Variants in RNF43 observed in about 807,000 individuals in gnomAD.
RNF43 encodes the protein ring finger protein 43.
A neutral mutation model predicts 78.4 loss-of-function variants in RNF43; 37 were observed. That is an observed-to-expected ratio of 0.47 (90% confidence interval 0.36 to 0.62). The LOEUF (loss-of-function observed/expected upper bound fraction) is 0.62. Among genes scored for constraint, RNF43 ranks in the 20% least tolerant of loss-of-function variants. The probability of loss-of-function intolerance (pLI) is 0.00; values close to 1 mark genes in which losing one functional copy is unlikely to be tolerated. For missense variants in RNF43, 774 were observed against 1,007.9 expected (o/e 0.77, Z 3.14); for synonymous variants, 347 against 395.0 (o/e 0.88, Z 1.44).
At position 58,358,904 on chromosome 17, in the gene RNF43, A is replaced by G; in HGVS notation, c.953-81T>C. On this transcript the variant is annotated intron_variant, in intron 8 of 9. Transcript: ENST00000407977. The surrounding 1 kb of genome is among the most constrained non-coding windows in gnomAD (Gnocchi z 6.2). ...CATTCAGAAAGACATGGCTGTAGCT[A>G]ATCTATTTGACCCTGAGTAGCCTGT... 1 of 1,367,070 alleles carries G rather than the reference A, an allele frequency of 7.3e-7. No individual in the cohort carries two copies. The highest frequency in any genetic ancestry group is 9.6e-7 in the Non-Finnish European group (1 of 1,041,678). 84.7% of individuals were successfully genotyped at this position (1,367,070 alleles called of 1,614,324 possible).
chr17:58,370,862 CA>C (rs1567880542), intron 3 of RNF43, 48 bp downstream of exon 3: 2 of 1,506,852 alleles, frequency 1.3e-6, no homozygotes, highest in South Asian at 2.7e-5. Flanking sequence ...TCTCACAGCC[CA>C]GAGCTGGGTG....
intron 2 of RNF43, among the ~76,000 whole-genome samples, chr17:58,412,055 C>T (rs556757718): frequency 1.3e-5 from 2 of 152,014 alleles, no homozygotes; most frequent in African/African-American, 2.4e-5. Context: ...GTTTCCTTGA[C>T]CTAGATTTTT....
chr17:58,356,886 C>CTTTTTTT (rs150378896), intron 9 of RNF43: 14 of 144,148 alleles, frequency 9.7e-5, no homozygotes, highest in Admixed American at 3.2e-4. Context: ...CCAAATGCCT[C>CTTTTTTT]TTTTTTTTTT....
At position 58,370,899 on chromosome 17, in the gene RNF43, G is replaced by C. The variant is rs1387784719; in HGVS notation, c.375+12C>G. Reference sequence around the variant, plus strand: ...AAGCTCCGGGTGTGTGTAGGGCGAAGTGTGAGTCTACCTTGCTAGCCAGTG... The same window carrying C: ...AAGCTCCGGGTGTGTGTAGGGCGAACTGTGAGTCTACCTTGCTAGCCAGTG... On this transcript the variant is annotated intron_variant, in intron 3 of 9. Transcript: ENST00000407977. The C allele has an allele frequency of 6.3e-7, 1 of 1,587,312 alleles. No homozygotes were observed. Among genetic ancestry groups the C allele is most frequent in the Non-Finnish European group, 8.6e-7 (1 of 1,165,598 alleles).
At chr17:58,359,371 C>T (rs1457343672) in intron 8 of RNF43, among the ~76,000 whole-genome samples, 1 of 148,206 alleles carries the variant, frequency 6.7e-6, no homozygotes, top group East Asian at 2.0e-4. Flanking sequence ...ACAAGGCGGG[C>T]GGGTCACAAG....
chr17:58,386,389 T>C (rs1342723831), intron 2 of RNF43, among the ~76,000 whole-genome samples: 1 of 152,178 alleles, frequency 6.6e-6, no homozygotes, highest in African/African-American at 2.4e-5. Context: ...ATTGTGCCAC[T>C]GCACTCCAGC....
rs1046264882 is a variant in RNF43 at position 58,358,311 on chromosome 17, C to G, written c.1465G>C (p.Gly489Arg). 6.2e-6 allele frequency: 10 copies of G among 1,614,150 alleles called. No individual in the cohort carries two copies. Among genetic ancestry groups the G allele is most frequent in the Non-Finnish European group, 8.5e-6 (10 of 1,180,018 alleles). ...AAAGTAGAACTGCTGCCATGGACCCCCTGTAGGCTGATGTCCGTGCAGTTG... is the reference window on the plus strand; with the variant it reads ...AAAGTAGAACTGCTGCCATGGACCCGCTGTAGGCTGATGTCCGTGCAGTTG... ...VVNCTDISLQ[G>R]VHGSSSTFCS... The change falls in exon 9 of 10, where the codon GGG (glycine) becomes CGG (arginine). Residue 489 changes from glycine (G) to arginine (R), a missense_variant. Gly to Arg is a moderately radical substitution (Grantham distance 125). Transcript: ENST00000407977. This position sits in a 1 kb window ranked among gnomAD's most constrained non-coding sequence, Gnocchi z 6.2.
intron 9 of RNF43, among the ~76,000 whole-genome samples, chr17:58,355,932 A>G (rs766491012): frequency 6.6e-6 from 1 of 152,228 alleles, no homozygotes; most frequent in Non-Finnish European, 1.5e-5. Flanking sequence ...AAAGAACATG[A>G]TAAAGCTAGC....
chr17:58,359,607 A>AAATAATAATAAT (rs376555627), intron 8 of RNF43, among the ~76,000 whole-genome samples: 1 of 148,920 alleles, frequency 6.7e-6, no homozygotes, highest in Non-Finnish European at 1.5e-5. Flanking sequence ...CCAACTCAAA[A>AAATAATAATAAT]AATAATAATA....
chr17:58,395,492 T>C (rs1398037808), intron 2 of RNF43, among the ~76,000 whole-genome samples: 1 of 151,742 alleles, frequency 6.6e-6, no homozygotes, highest in African/African-American at 2.4e-5. Context: ...TAGAAATAAA[T>C]AGTCACAGTT....
In RNF43 at chr17:58,390,545, ACT is replaced by A. The variant is rs954410954; in HGVS notation, c.253-19514_253-19513del. On this transcript the variant is annotated intron_variant, in intron 2 of 9. Transcript: ENST00000407977. ...ACTTAAAACCTGTGGCCTAATCTAC[ACT>A]GTTTCAGTAACAGTAGCCTTAAAAC... Among the ~76,000 whole-genome samples the A allele has an allele frequency of 1.5e-4, 23 of 152,212 alleles. 1 individual carries two copies. Among genetic ancestry groups the A allele is most frequent in the Non-Finnish European group, 1.5e-5 (1 of 68,038 alleles).
At chr17:58,408,652 G>C (rs956694624) in intron 2 of RNF43, among the ~76,000 whole-genome samples, 1 of 152,082 alleles carries the variant, frequency 6.6e-6, no homozygotes, top group East Asian at 1.9e-4. Context: ...CGAGGCTGTT[G>C]GTAAGTCAGA....
intron 2 of RNF43, among the ~76,000 whole-genome samples, chr17:58,397,747 A>C (rs753483939): frequency 6.6e-6 from 1 of 152,066 alleles, no homozygotes; most frequent in Non-Finnish European, 1.5e-5. Context: ...TCAGGCCCAG[A>C]GAGACATTAA....
intron 2 of RNF43, among the ~76,000 whole-genome samples, chr17:58,403,092 T>A (rs1189029997): frequency 6.6e-6 from 1 of 152,182 alleles, no homozygotes; most frequent in Non-Finnish European, 1.5e-5. Context: ...TTGGGGGACC[T>A]CTTCCAGTAA....
chr17:58,398,435 T>G (rs532408002), intron 2 of RNF43, among the ~76,000 whole-genome samples: 3 of 152,202 alleles, frequency 2.0e-5, no homozygotes, highest in African/African-American at 4.8e-5. Context: ...TTAATAAGCA[T>G]AGCAGAGAAA....
At chr17:58,394,976 C>T (rs1336935154) in intron 2 of RNF43, 1 of 152,238 alleles carries the variant, frequency 6.6e-6, no homozygotes. Flanking sequence ...AACTCCACCA[C>T]AGAGCTCTCC....
intron 2 of RNF43, among the ~76,000 whole-genome samples, chr17:58,382,838 C>A (rs554299473): frequency 2.4e-4 from 37 of 152,310 alleles, no homozygotes; most frequent in African/African-American, 8.4e-4. Flanking sequence ...CAGAGCACAG[C>A]ACATAAACAC....
At chr17:58,367,801 G>A (rs1261052476) in intron 3 of RNF43, among the ~76,000 whole-genome samples, 1 of 152,180 alleles carries the variant, frequency 6.6e-6, no homozygotes, top group Non-Finnish European at 1.5e-5. Flanking sequence ...ATAACAAATG[G>A]AAGGAAAAAT....
chr17:58,405,751 A>G (rs976730726), intron 2 of RNF43, among the ~76,000 whole-genome samples: 1 of 151,676 alleles, frequency 6.6e-6, no homozygotes, highest in Non-Finnish European at 1.5e-5. Context: ...AGAAAGAAAG[A>G]AAGAAAGAAA....
Sources: allele counts gnomAD v4.1 joint callset (sites outside exome capture counted in the v4.1 genomes callset), GRCh38; gene constraint gnomAD v4.1.1; non-coding constraint Gnocchi (gnomAD v3.1); transcripts MANE v1.5; gene names NCBI Gene and HGNC (gene_info 2026-07-23, HGNC 2026-07-21).